Variants in ARB2A observed in about 807,000 individuals in gnomAD.
ARB2A encodes cotranscriptional regulator ARB2A.
At chr5:93,850,684 A>T in the ARB2A span, among the ~76,000 whole-genome samples, 1 of 152,308 alleles carries the variant, frequency 6.6e-6, no homozygotes, top group East Asian at 1.9e-4. Flanking sequence ...TCTAGAAATT[A>T]AAATTTAGAC....
At chr5:94,015,259 G>C in the ARB2A span, among the ~76,000 whole-genome samples, 1 of 152,012 alleles carries the variant, frequency 6.6e-6, no homozygotes, top group African/African-American at 2.4e-5. Context: ...ACTGATGAAA[G>C]AAAAACAACT....
At chr5:93,937,620 A>G in the ARB2A span, among the ~76,000 whole-genome samples, 1 of 151,962 alleles carries the variant, frequency 6.6e-6, no homozygotes, top group African/African-American at 2.4e-5. Context: ...CAAAAAAAAA[A>G]AGAGAGTGTG....
At chr5:93,710,338 C>G in the ARB2A span, among the ~76,000 whole-genome samples, 2 of 152,188 alleles carry the variant, frequency 1.3e-5, no homozygotes, top group Non-Finnish European at 2.9e-5. Context: ...ACCGGGAAAT[C>G]TGACAACACT....
chr5:93,756,329 G>A, the ARB2A span, among the ~76,000 whole-genome samples: 2 of 152,152 alleles, frequency 1.3e-5, no homozygotes, highest in Non-Finnish European at 2.9e-5. Flanking sequence ...AATCTTGGGC[G>A]TTCTAGGGCC....
the ARB2A span, among the ~76,000 whole-genome samples, chr5:93,936,806 C>T: frequency 6.6e-6 from 1 of 151,932 alleles, no homozygotes; most frequent in East Asian, 1.9e-4. Context: ...TTTAATATAC[C>T]CAGTATTGAC....
the ARB2A span, among the ~76,000 whole-genome samples, chr5:94,028,524 C>T: frequency 6.6e-6 from 1 of 152,166 alleles, no homozygotes; most frequent in Non-Finnish European, 1.5e-5. Flanking sequence ...AACAGAATTA[C>T]CCAAGAACAC....
the ARB2A span, among the ~76,000 whole-genome samples, chr5:93,845,280 T>C: frequency 1.1e-3 from 167 of 152,326 alleles, no homozygotes; most frequent in African/African-American, 3.8e-3. Context: ...TGTGTCATAA[T>C]AAACAACATG....
At chr5:93,729,850 G>C in the ARB2A span, among the ~76,000 whole-genome samples, 1 of 150,010 alleles carries the variant, frequency 6.7e-6, no homozygotes, top group Non-Finnish European at 1.5e-5. Flanking sequence ...AATCGTTGTT[G>C]TCCTCATTAA....
the ARB2A span, among the ~76,000 whole-genome samples, chr5:93,908,970 G>A: frequency 6.6e-6 from 1 of 150,948 alleles, no homozygotes; most frequent in East Asian, 1.9e-4. Flanking sequence ...TAGAATGAAC[G>A]AGACGTCTTA....
At chr5:94,011,095 T>C in the ARB2A span, among the ~76,000 whole-genome samples, 1 of 152,192 alleles carries the variant, frequency 6.6e-6, no homozygotes, top group African/African-American at 2.4e-5. Flanking sequence ...TCCATGTGAC[T>C]AAATCTAAAG....
the ARB2A span, among the ~76,000 whole-genome samples, chr5:94,103,795 C>CAAA: frequency 3.5e-5 from 4 of 113,338 alleles, no homozygotes; most frequent in East Asian, 2.6e-4. Flanking sequence ...TCAACAGATT[C>CAAA]AAAAAAAAAA....
At chr5:93,830,500 T>C in the ARB2A span, among the ~76,000 whole-genome samples, 1 of 151,662 alleles carries the variant, frequency 6.6e-6, no homozygotes, top group South Asian at 2.1e-4. Flanking sequence ...GTGAGGAGTA[T>C]TACCTCCTCT....
the ARB2A span, among the ~76,000 whole-genome samples, chr5:94,043,795 T>C: frequency 6.6e-6 from 1 of 152,200 alleles, no homozygotes; most frequent in Non-Finnish European, 1.5e-5. Context: ...TTTTAAAAAG[T>C]CTTATCTGAG....
chr5:94,001,282 G>T, the ARB2A span, among the ~76,000 whole-genome samples: 2 of 151,972 alleles, frequency 1.3e-5, no homozygotes, highest in Non-Finnish European at 2.9e-5. Context: ...CCATGAACAT[G>T]GTATATCTAT....
At chr5:94,096,619 C>A in the ARB2A span, among the ~76,000 whole-genome samples, 1 of 152,100 alleles carries the variant, frequency 6.6e-6, no homozygotes, top group Non-Finnish European at 1.5e-5. Flanking sequence ...CTAAGCAAAG[C>A]AAAGCTTGGT....
At chr5:93,743,926 A>T in the ARB2A span, among the ~76,000 whole-genome samples, 1 of 152,066 alleles carries the variant, frequency 6.6e-6, no homozygotes, top group Non-Finnish European at 1.5e-5. Context: ...TCGGCCTCCC[A>T]AGGTGTTGGG....
chr5:93,784,874 C>T, the ARB2A span, among the ~76,000 whole-genome samples: 6 of 152,160 alleles, frequency 3.9e-5, no homozygotes, highest in Non-Finnish European at 8.8e-5. Context: ...TCACTGTTAG[C>T]TACTTAGGAC....
At chr5:93,990,565 T>C in the ARB2A span, among the ~76,000 whole-genome samples, 5 of 141,480 alleles carry the variant, frequency 3.5e-5, no homozygotes, top group Non-Finnish European at 7.5e-5. Flanking sequence ...CCACTGCCAT[T>C]GAAGGAGGAG....
chr5:93,683,726 G>C, the ARB2A span: 7 of 1,609,530 alleles, frequency 4.3e-6, no homozygotes, highest in East Asian at 1.6e-4. Flanking sequence ...ATCGGGTGGC[G>C]GCACGCACTT....
Sources: gnomAD v4.1 joint callset for allele counts (sites outside exome capture counted in the v4.1 genomes callset) on GRCh38, gnomAD v4.1.1 for gene constraint, MANE v1.5 for transcripts, NCBI Gene and HGNC (gene_info 2026-07-23, HGNC 2026-07-21) for gene names.